The following CMIP variants were observed in gnomAD, a reference collection of about 807,000 sequenced individuals.
CMIP encodes c-Maf inducing protein.
A neutral mutation model predicts 97.3 loss-of-function variants in CMIP; 13 were observed. The ratio of observed to expected loss-of-function variants is 0.13; its 90% CI spans 0.09 to 0.21. The LOEUF (loss-of-function observed/expected upper bound fraction) is 0.21. CMIP is among the 10% of genes least tolerant of loss of function. CMIP has a pLI of 1.00. For synonymous variants in CMIP, 538 were observed against 436.3 expected, an observed-to-expected ratio of 1.23 and a Z score of -2.91; for missense variants, 847 against 1,024.9, an observed-to-expected ratio of 0.83 and a Z score of 2.37.
At chr16:81,601,735 G>A (rs1597134623) in intron 1 of CMIP, among the ~76,000 whole-genome samples, 1 of 152,098 alleles carries the variant, frequency 6.6e-6, no homozygotes, top group African/African-American at 2.4e-5. Flanking sequence ...CCCATGGAAG[G>A]CAGCGTCCCC....
At chr16:81,669,122 A>C (rs1597222839) in intron 7 of CMIP, among the ~76,000 whole-genome samples, 1 of 35,652 alleles carries the variant, frequency 2.8e-5, no homozygotes, top group Non-Finnish European at 6.0e-5. Flanking sequence ...TCTCACACTC[A>C]CCTCCTTCCA....
In CMIP at chr16:81,532,311, G is replaced by A; in HGVS notation, c.301-75256G>A. On this transcript the variant is annotated intron_variant, in intron 1 of 20. Coordinates refer to ENST00000537098, the MANE Select transcript of CMIP (RefSeq NM_198390.3). ...GTTAGGTAGAAGTGTGTGTGCACCT[G>A]CGTGTGCGTGTATGTTCCACACGCT... Among the ~76,000 whole-genome samples, 2 of 152,258 alleles carry A rather than the reference G, an allele frequency of 1.3e-5. 1 individual carries two copies. Among genetic ancestry groups the A allele is most frequent in the Non-Finnish European group, 2.9e-5 (2 of 68,048 alleles).
intron 1 of CMIP, among the ~76,000 whole-genome samples, chr16:81,548,130 CTTTTT>C (rs11351275): frequency 2.7e-5 from 3 of 111,766 alleles, no homozygotes; most frequent in Non-Finnish European, 1.8e-5. Context: ...GGATGGATCA[CTTTTT>C]TTTTTTTTTT....
In CMIP at chr16:81,693,418, C is replaced by T. The variant is rs372697368; in HGVS notation, c.1482-21C>T. The T allele has an allele frequency of 1.5e-5, 24 of 1,607,232 alleles. No individual in the cohort carries two copies. In the African/African-American group the frequency reaches 1.9e-4, roughly 13 times the overall value. On this transcript the variant is annotated intron_variant, in intron 12 of 20. Transcript: ENST00000537098. ...CAGTTCCAGACCCCGGCAGTAACTC[C>T]GGCCGCCTCGTCTCTTCCAGGGAAC...
intron 1 of CMIP, among the ~76,000 whole-genome samples, chr16:81,573,429 A>C (rs949897599): frequency 6.6e-6 from 1 of 152,074 alleles, no homozygotes. Context: ...GAACCCTTTT[A>C]ATAAGGAAAG....
At chr16:81,664,580 C>T (rs1394987255) in intron 7 of CMIP, 2 of 579,200 alleles carry the variant, frequency 3.5e-6, no homozygotes, top group Non-Finnish European at 6.1e-6. Context: ...TACAAAAATA[C>T]CGCAGCTGGA....
intron 1 of CMIP, among the ~76,000 whole-genome samples, chr16:81,467,229 C>G (rs956883385): frequency 6.6e-6 from 1 of 152,238 alleles, no homozygotes; most frequent in Non-Finnish European, 1.5e-5. Context: ...CTGGGCACAT[C>G]CCGCAACCAG....
At chr16:81,459,175 G>A (rs1906753735) in intron 1 of CMIP, among the ~76,000 whole-genome samples, 1 of 152,204 alleles carries the variant, frequency 6.6e-6, no homozygotes, top group Admixed American at 6.5e-5. Context: ...TGAAGGCAGG[G>A]TTTGGGTCCG....
intron 1 of CMIP, among the ~76,000 whole-genome samples, chr16:81,485,957 G>A (rs2089307633): frequency 6.6e-6 from 1 of 152,230 alleles, no homozygotes; most frequent in Non-Finnish European, 1.5e-5. Context: ...CTCAGGCGCT[G>A]TGAGTGTGTC....
intron 10 of CMIP, among the ~76,000 whole-genome samples, chr16:81,686,912 G>A (rs1341436625): frequency 1.3e-5 from 2 of 152,080 alleles, no homozygotes; most frequent in Non-Finnish European, 2.9e-5. Context: ...CCCAGCCCGG[G>A]TCTGAGCACC....
At chr16:81,703,844 G>C in intron 17 of CMIP, 95 bp from the exon 18 acceptor site, 1 of 1,465,550 alleles carries the variant, frequency 6.8e-7, no homozygotes, top group Non-Finnish European at 9.1e-7. Flanking sequence ...GCTCTCTGTA[G>C]GGCGAGGGGA....
intron 1 of CMIP, among the ~76,000 whole-genome samples, chr16:81,521,513 T>G (rs1356514438): frequency 6.6e-6 from 1 of 152,098 alleles, no homozygotes; most frequent in Non-Finnish European, 1.5e-5. Flanking sequence ...AACAATAGCA[T>G]TTCTGCTTCC....
intron 1 of CMIP, among the ~76,000 whole-genome samples, chr16:81,578,738 C>G (rs2150901764): frequency 6.6e-6 from 1 of 152,386 alleles, no homozygotes; most frequent in East Asian, 1.9e-4. Flanking sequence ...CTGTGTCCCT[C>G]TCTGGGGACC....
chr16:81,469,643 G>A (rs751914470), intron 1 of CMIP, among the ~76,000 whole-genome samples: 6 of 152,206 alleles, frequency 3.9e-5, no homozygotes, highest in Admixed American at 1.3e-4. Flanking sequence ...ACCTTCTTAA[G>A]TTCAGGCTTT....
chr16:81,571,305 A>C (rs1041709373), intron 1 of CMIP, among the ~76,000 whole-genome samples: 2 of 152,088 alleles, frequency 1.3e-5, no homozygotes, highest in Non-Finnish European at 2.9e-5. Flanking sequence ...CCCTGTCTCT[A>C]GCAAAACTAA....
At chr16:81,504,168 A>G (rs2089662099) in intron 1 of CMIP, among the ~76,000 whole-genome samples, 2 of 152,148 alleles carry the variant, frequency 1.3e-5, no homozygotes, top group Admixed American at 1.3e-4. Context: ...TCTACTAAAA[A>G]TACAAAAATT....
At chr16:81,669,261 C>T (rs62652194) in intron 7 of CMIP, among the ~76,000 whole-genome samples, 10,776 of 94,742 alleles carry the variant, frequency 0.11, 1,208 homozygotes, top group Non-Finnish European at 0.15. Flanking sequence ...CTCACACTCA[C>T]CTCCTTCCAC....
intron 1 of CMIP, among the ~76,000 whole-genome samples, chr16:81,468,349 A>G (rs942616885): frequency 2.6e-5 from 4 of 152,260 alleles, no homozygotes; most frequent in African/African-American, 9.6e-5. Flanking sequence ...GCAAACTCAG[A>G]GAGAGGCCGG....
chr16:81,683,756 C>CTTTTTTTTTT (rs71272426), intron 10 of CMIP, among the ~76,000 whole-genome samples: 8 of 81,612 alleles, frequency 9.8e-5, no homozygotes, highest in East Asian at 3.4e-4. Flanking sequence ...TTTTCTTTTT[C>CTTTTTTTTTT]TTTTTTTTTT....
Sources: gnomAD v4.1 joint callset for allele counts (sites outside exome capture counted in the v4.1 genomes callset) on GRCh38, gnomAD v4.1.1 for gene constraint, MANE v1.5 for transcripts, NCBI Gene and HGNC (gene_info 2026-07-23, HGNC 2026-07-21) for gene names.